The following PTPRZ1 variants were observed in gnomAD, a reference collection of about 807,000 sequenced individuals.
PTPRZ1 encodes receptor-type tyrosine-protein phosphatase zeta.
PTPRZ1 carries 82 observed loss-of-function variants against 214.1 expected under a neutral mutation model. The ratio of observed to expected loss-of-function variants is 0.38; its 90% confidence interval spans 0.32 to 0.46. The LOEUF (loss-of-function observed/expected upper bound fraction) is 0.46, where lower values mean the gene tolerates loss of function less well. Ranked by LOEUF, PTPRZ1 falls within the 20% of genes least tolerant of loss-of-function variation. The pLI is 1.00. For missense variants in PTPRZ1, 2,603 were observed against 2,748.7 expected, an observed-to-expected ratio of 0.95 and a Z score of 1.19; for synonymous variants, 945 against 987.9, an observed-to-expected ratio of 0.96 and a Z score of 0.81.
chr7:122,015,608 T>C (rs1179984028), intron 12 of PTPRZ1, among the ~76,000 whole-genome samples: 1 of 152,044 alleles, frequency 6.6e-6, no homozygotes, highest in Non-Finnish European at 1.5e-5. Context: ...TAGTTTTCAT[T>C]AGATTTATGT....
intron 1 of PTPRZ1, among the ~76,000 whole-genome samples, chr7:121,904,155 T>C (rs1795052539): frequency 6.6e-6 from 1 of 152,140 alleles, no homozygotes; most frequent in African/African-American, 2.4e-5. Flanking sequence ...AATTTCCCAT[T>C]CTGGTTGGTT....
intron 2 of PTPRZ1, among the ~76,000 whole-genome samples, chr7:121,929,070 T>C (rs949815908): frequency 2.4e-4 from 36 of 152,250 alleles, no homozygotes; most frequent in African/African-American, 7.2e-4. Context: ...TAGATAAGGA[T>C]GTATTTTCTT....
intron 13 of PTPRZ1, among the ~76,000 whole-genome samples, chr7:122,024,902 G>A (rs900921692): frequency 2.0e-5 from 3 of 152,062 alleles, no homozygotes; most frequent in African/African-American, 7.2e-5. Flanking sequence ...TGCCCATCCA[G>A]CCACCCATTC....
intron 12 of PTPRZ1, among the ~76,000 whole-genome samples, chr7:122,015,049 G>A (rs1311200078): frequency 1.3e-5 from 2 of 152,180 alleles, no homozygotes; most frequent in African/African-American, 4.8e-5. Flanking sequence ...TTACTGACCA[G>A]ATGTTTCTTA....
At chr7:122,039,712 A>G (rs767325314) in intron 20 of PTPRZ1, 124 bp downstream of exon 20, 4 of 1,246,832 alleles carry the variant, frequency 3.2e-6, no homozygotes, top group Non-Finnish European at 2.2e-6. Flanking sequence ...AAATTCTTGT[A>G]ACCAGGCCAG....
chr7:122,012,373 G>C lies in PTPRZ1; in HGVS notation c.3327G>C (p.Lys1109Asn), dbSNP rs1288526566. ...FPGSLAHTTT[K>N]VFDHEISQVP... ...GGTCCCTTGCTCATACCACCACTAA[G>C]GTTTTTGATCATGAGATTAGTCAAG... Residue 1109 changes from lysine (K) to asparagine (N), a missense_variant, in exon 12 of 30, where the codon AAG (lysine) becomes AAC (asparagine). Physicochemically the swap from Lys to Asn is moderately conservative, Grantham distance 94. Around this residue, in one of 6 missense-constraint regions of PTPRZ1, gnomAD observed 1,913 missense variants for 1,914.3 expected, o/e 1.00. Coordinates refer to ENST00000393386, the MANE Select transcript of PTPRZ1 (RefSeq NM_002851.3). 3.7e-6 allele frequency: 6 copies of C among 1,613,754 alleles called. No individual in the cohort carries two copies. In the African/African-American group the frequency reaches 6.7e-5, roughly 18 times the overall value.
intron 27 of PTPRZ1, among the ~76,000 whole-genome samples, chr7:122,055,679 CTT>C (rs1562885833): frequency 6.6e-6 from 1 of 151,786 alleles, no homozygotes; most frequent in African/African-American, 2.4e-5. Flanking sequence ...TTTTACTAAA[CTT>C]AATTATATGC....
intron 13 of PTPRZ1, among the ~76,000 whole-genome samples, chr7:122,021,687 C>T (rs1420553377): frequency 6.6e-6 from 1 of 152,016 alleles, no homozygotes; most frequent in African/African-American, 2.4e-5. Context: ...TTACAGTGAG[C>T]TGTGATTATG....
intron 6 of PTPRZ1, among the ~76,000 whole-genome samples, chr7:121,978,262 A>G (rs1797501122): frequency 6.6e-6 from 1 of 152,172 alleles, no homozygotes; most frequent in Non-Finnish European, 1.5e-5. Flanking sequence ...TGAAAGCAGA[A>G]CAGTTCTTGG....
At chr7:122,042,409 G>C (rs186731900) in intron 21 of PTPRZ1, among the ~76,000 whole-genome samples, 199 bp from the exon 22 acceptor site, 2 of 152,192 alleles carry the variant, frequency 1.3e-5, no homozygotes, top group Admixed American at 1.3e-4. Context: ...CATTAGAAAG[G>C]GTACTTCTAA....
intron 17 of PTPRZ1, among the ~76,000 whole-genome samples, chr7:122,035,656 T>A (rs1017587738): frequency 6.6e-6 from 1 of 152,224 alleles, no homozygotes; most frequent in African/African-American, 2.4e-5. Context: ...GACCCATCTG[T>A]CAGTTGCCAT....
intron 5 of PTPRZ1, among the ~76,000 whole-genome samples, 155 bp from the exon 6 acceptor site, chr7:121,976,630 T>C (rs1797443210): frequency 6.6e-6 from 1 of 152,196 alleles, no homozygotes; most frequent in African/African-American, 2.4e-5. Context: ...TTTGTTTGCT[T>C]TATTTGTTTT....
chr7:122,051,540 T>G lies in PTPRZ1; in HGVS notation c.6178+19T>G. On this transcript the variant is annotated intron_variant, in intron 24 of 29. Transcript: ENST00000393386. ...ATCCCTGGTAAGTTGTGTTGATCCT[T>G]GAAAAAACAACTTTTTTAAAATAAT... The G allele has an allele frequency of 6.3e-7, 1 of 1,587,242 alleles. No individual in the cohort carries two copies. The highest frequency in any genetic ancestry group is 8.6e-7 in the Non-Finnish European group (1 of 1,164,748).
intron 1 of PTPRZ1, among the ~76,000 whole-genome samples, chr7:121,902,828 T>C (rs1795006930): frequency 6.6e-6 from 1 of 152,198 alleles, no homozygotes; most frequent in African/African-American, 2.4e-5. Context: ...TATTGATCAA[T>C]GTTTATTGAT....
chr7:121,994,022 G>C (rs542285349), intron 8 of PTPRZ1, among the ~76,000 whole-genome samples: 3 of 152,158 alleles, frequency 2.0e-5, no homozygotes, highest in African/African-American at 7.2e-5. Context: ...AACTCTTACA[G>C]ATTTACAAGG....
chr7:122,044,618 C>T (rs775601646), intron 23 of PTPRZ1, 50 bp downstream of exon 23: 1 of 1,575,098 alleles, frequency 6.3e-7, no homozygotes, highest in Admixed American at 1.7e-5. Flanking sequence ...CTGAATGTCC[C>T]TGCATCTTCT....
At chr7:122,004,749 T>G (rs1798432849) in intron 11 of PTPRZ1, 89 bp downstream of exon 11, 1 of 736,424 alleles carries the variant, frequency 1.4e-6, no homozygotes, top group Admixed American at 2.8e-5. Flanking sequence ...GCCACATGAA[T>G]AGAAGTTGTG....
intron 2 of PTPRZ1, among the ~76,000 whole-genome samples, chr7:121,962,827 G>C (rs998200545): frequency 1.8e-4 from 27 of 151,898 alleles, no homozygotes; most frequent in African/African-American, 6.5e-4. Context: ...GCCTCCCAAA[G>C]TGCTGGGATT....
chr7:121,973,940 G>GAAAAAAA (rs371692415), intron 4 of PTPRZ1, among the ~76,000 whole-genome samples: 32 of 86,214 alleles, frequency 3.7e-4, no homozygotes, highest in Admixed American at 5.0e-4. Context: ...TCTCAAAAAA[G>GAAAAAAA]AAAAAAAAAA....
Sources: gnomAD v4.1 joint callset for allele counts (sites outside exome capture counted in the v4.1 genomes callset) on GRCh38, gnomAD v4.1.1 for gene constraint, gnomAD v4.1.1 regional missense constraint, MANE v1.5 for transcripts, NCBI Gene and HGNC (gene_info 2026-07-23, HGNC 2026-07-21) for gene names.